The following ZNF354A variants were observed in gnomAD, a reference collection of about 807,000 sequenced individuals.
ZNF354A encodes epididymis luminal protein 104.
A neutral mutation model predicts 53.3 loss-of-function variants in ZNF354A; 25 were observed. That is an observed-to-expected ratio of 0.47 (90% CI 0.34 to 0.66). The LOEUF is 0.66. Among genes scored for constraint, ZNF354A ranks in the 30% least tolerant of loss-of-function variants. The pLI, the probability that ZNF354A is intolerant of heterozygous loss-of-function variation, is 0.01. For synonymous variants in ZNF354A, 228 were observed against 249.0 expected, an observed-to-expected ratio of 0.92 and a Z score of 0.79; for missense variants, 586 against 716.8, an observed-to-expected ratio of 0.82 and a Z score of 2.08.
chr5:178,728,130 C>T (rs548070135), intron 2 of ZNF354A, among the ~76,000 whole-genome samples: 2 of 152,326 alleles, frequency 1.3e-5, no homozygotes, highest in South Asian at 4.1e-4. Flanking sequence ...GTGTGAGCCA[C>T]TGTGGCCGGC....
intron 1 of ZNF354A, 79 bp downstream of exon 1, chr5:178,730,477 T>C (rs1479341157): frequency 6.6e-6 from 1 of 152,112 alleles, no homozygotes; most frequent in Non-Finnish European, 1.5e-5. Flanking sequence ...CCACAAAGGC[T>C]TTCGGAGCCT....
intron 4 of ZNF354A, among the ~76,000 whole-genome samples, chr5:178,721,733 T>C (rs1271895204): frequency 9.9e-5 from 15 of 152,264 alleles, no homozygotes; most frequent in East Asian, 1.9e-4. Context: ...ACTTCAATCA[T>C]AGACTCATCC....
Position 178,713,183 on chromosome 5 carries a change from T to G in ZNF354A, c.695A>C (p.His232Pro). ...TTTCTCTCCACTATGGTTTTTCTCATGTTTACGAAGGGATGAAGTGTTAAT... is the reference window on the plus strand; with the variant it reads ...TTTCTCTCCACTATGGTTTTTCTCAGGTTTACGAAGGGATGAAGTGTTAAT... ...TFINTSSLRK[H>P]EKNHSGEKLF... Residue 232 changes from histidine (H) to proline (P), a missense_variant, in exon 5 of 5, where the codon CAT becomes CCT. Physicochemically the swap from His to Pro is moderately conservative, Grantham distance 77. This residue lies in a region of ZNF354A where 573 missense variants were observed against 680.1 expected (regional missense o/e 0.84). Transcript: ENST00000335815. 1 of 1,614,176 alleles carries G rather than the reference T, an allele frequency of 6.2e-7. No homozygotes were observed. The highest frequency in any genetic ancestry group is 8.5e-7 in the Non-Finnish European group (1 of 1,180,026).
intron 4 of ZNF354A, among the ~76,000 whole-genome samples, chr5:178,725,070 C>A (rs1581748707): frequency 6.6e-6 from 1 of 152,248 alleles, no homozygotes; most frequent in Non-Finnish European, 1.5e-5. Flanking sequence ...TTCCTCACCT[C>A]CTCCTTTCCC....
intron 4 of ZNF354A, among the ~76,000 whole-genome samples, chr5:178,722,541 T>C (rs534643435): frequency 2.0e-5 from 3 of 152,278 alleles, no homozygotes; most frequent in Middle Eastern, 3.4e-3. Context: ...TGTTACCCCA[T>C]CTCCTCTATC....
rs373168540 is a variant in ZNF354A, at chr5:178,723,764, G to A, written c.256+1612C>T. ...CAATGCTATACAAAGCTGTGGGCGA[G>A]GGTTCAACCTTGATCCCCCAGAGCC... On this transcript the variant is annotated intron_variant, in intron 4 of 4. Coordinates refer to ENST00000335815, the MANE Select transcript of ZNF354A (RefSeq NM_005649.3). Among the ~76,000 whole-genome samples the A allele has an allele frequency of 1.1e-4, 16 of 152,052 alleles. 1 individual carries two copies. In the East Asian group the frequency reaches 3.1e-3, roughly 30 times the overall value.
chr5:178,719,817 GGC>G (rs1489178738), intron 4 of ZNF354A, among the ~76,000 whole-genome samples: 1 of 151,452 alleles, frequency 6.6e-6, no homozygotes, highest in Non-Finnish European at 1.5e-5. Context: ...CGTAGTGGCG[GGC>G]GCCTGTAGTC....
intron 4 of ZNF354A, among the ~76,000 whole-genome samples, chr5:178,715,782 G>C (rs1257320112): frequency 6.6e-6 from 1 of 152,086 alleles, no homozygotes; most frequent in Non-Finnish European, 1.5e-5. Context: ...TGAGCACGGG[G>C]ATCAGGTACT....
At chr5:178,730,145 G>A (rs1255458519) in intron 1 of ZNF354A, among the ~76,000 whole-genome samples, 1 of 152,296 alleles carries the variant, frequency 6.6e-6, no homozygotes, top group Admixed American at 6.5e-5. Context: ...GATTACAGGC[G>A]TGAGCCACCG....
At chr5:178,717,443 C>G (rs891051196) in intron 4 of ZNF354A, among the ~76,000 whole-genome samples, 4 of 151,804 alleles carry the variant, frequency 2.6e-5, no homozygotes, top group Non-Finnish European at 4.4e-5. Flanking sequence ...AGGGATCATG[C>G]CTAGGTTTCT....
At position 178,721,625 on chromosome 5, in the gene ZNF354A, T is replaced by C. The variant is rs1056045152; in HGVS notation, c.256+3751A>G. ...TACAGAGGTCCTCCTCATTCCACTT[T>C]ACAGCTGTGTGGACGTACCACAGTT... is the stretch of plus-strand genomic sequence containing the variant. On this transcript the variant is annotated intron_variant, in intron 4 of 4. Transcript: ENST00000335815. Among the ~76,000 whole-genome samples, 4 of 152,182 alleles carry C rather than the reference T, an allele frequency of 2.6e-5. No individual in the cohort carries two copies. The East Asian group carries it at 5.8e-4, about 22-fold the overall frequency.
At chr5:178,719,783 T>TAAA in intron 4 of ZNF354A, among the ~76,000 whole-genome samples, 1 of 151,910 alleles carries the variant, frequency 6.6e-6, no homozygotes, top group Admixed American at 6.5e-5. Context: ...CCGTCTCTAC[T>TAAA]AAAAATACAA....
At position 178,713,481 on chromosome 5, in the gene ZNF354A, C is replaced by T. The variant is rs757320036; in HGVS notation, c.397G>A (p.Glu133Lys). The T allele has an allele frequency of 9.3e-6, 15 of 1,613,728 alleles. No homozygotes were observed. The Admixed American group carries it at 1.8e-4, about 20-fold the overall frequency. Residue 133 changes from glutamate to lysine, a missense_variant, in exon 5 of 5, where the codon GAG becomes AAG. Glu to Lys is a moderately conservative substitution (Grantham distance 56, BLOSUM62 1). Around this residue, in one of 2 missense-constraint regions of ZNF354A, gnomAD observed 573 missense variants for 680.1 expected, o/e 0.84. Coordinates refer to ENST00000335815, the MANE Select transcript of ZNF354A (RefSeq NM_005649.3). ...EKPYIYEGRL[E>K]KKQDKKGSFQ... The stretch of plus-strand genomic sequence containing the variant: ...CTTCCCTTTTTATCCTGCTTTTTCT[C>T]TAATCTGCCTTCATATATGTAAGGC...
Position 178,721,744 on chromosome 5 carries a change from T to C in ZNF354A, c.256+3632A>G, listed in dbSNP as rs373971538. ...GGCAACTTCAATCATAGACTCATCC[T>C]CTAAGCAAGATATCTCCCATACTCG... On this transcript the variant is annotated intron_variant, in intron 4 of 4. Coordinates refer to ENST00000335815, the MANE Select transcript of ZNF354A (RefSeq NM_005649.3). 2.7e-4 allele frequency among the ~76,000 whole-genome samples: 41 copies of C among 152,288 alleles called. No homozygotes were observed. In the East Asian group the frequency reaches 7.7e-3, roughly 29 times the overall value.
chr5:178,725,383 G>A lies in ZNF354A; in HGVS notation c.249C>T (p.Ser83=). 1 of 1,613,748 alleles carries A rather than the reference G, an allele frequency of 6.2e-7. No homozygotes were observed. Among genetic ancestry groups the A allele is most frequent in the Non-Finnish European group, 8.5e-7 (1 of 1,179,980 alleles). ...CTCGGGCCACCCACTTACCTAGAGA[G>A]GAGACGCCAGAACCGTCTTTCTCCA... ...WEVEKDGSGV[S]SLGSKSSHKT... is the part of the protein sequence containing the mutation. Residue 83 remains serine (S), a synonymous_variant, in exon 4 of 5, where the codon TCC becomes TCT. Transcript: ENST00000335815.
Position 178,725,472 on chromosome 5 carries a change from C to T in ZNF354A, c.161-1G>A. 6.2e-7 allele frequency: 1 copy of T among 1,613,748 alleles called. No homozygotes were observed. Among genetic ancestry groups the T allele is most frequent in the Non-Finnish European group, 8.5e-7 (1 of 1,179,808 alleles). On this transcript the variant is annotated splice_acceptor_variant, in intron 3 of 4. Transcript: ENST00000335815. LOFTEE classifies it high-confidence loss of function. ...ACTTTTGGTTTGGTAAATGGGAGCC[C>T]TGCACATAAACAAAAAACCACAACC...
At position 178,713,539 on chromosome 5, in the gene ZNF354A, G is replaced by A. The variant is rs781263091; in HGVS notation, c.339C>T (p.Asn113=). 7 of 1,611,444 alleles carry A rather than the reference G, an allele frequency of 4.3e-6. No individual in the cohort carries two copies. The highest frequency in any genetic ancestry group is 2.7e-5 in the African/African-American group (2 of 74,754). Residue 113 remains asparagine, a synonymous_variant, in exon 5 of 5, where the codon AAC becomes AAT. Transcript: ENST00000335815. ...SFQGLILKRS[N]RNVPWDLKLE... The stretch of plus-strand genomic sequence containing the variant: ...ATTTCAAATCCCAAGGTACATTCCT[G>A]TTGGATCTTTTCAGTATCAGTCCCT...
intron 4 of ZNF354A, among the ~76,000 whole-genome samples, chr5:178,722,486 C>T (rs964805008): frequency 6.6e-6 from 1 of 152,180 alleles, no homozygotes; most frequent in Non-Finnish European, 1.5e-5. Context: ...ACCAAGCAAG[C>T]ATCCCTGACA....
chr5:178,728,223 G>A (rs773450396), intron 2 of ZNF354A, among the ~76,000 whole-genome samples: 7 of 150,986 alleles, frequency 4.6e-5, no homozygotes, highest in Non-Finnish European at 8.8e-5. Flanking sequence ...CACTGAGCTT[G>A]CATTCTTAAC....
Sources: allele counts gnomAD v4.1 joint callset (sites outside exome capture counted in the v4.1 genomes callset), GRCh38; gene constraint gnomAD v4.1.1; regional missense constraint gnomAD v4.1.1; transcripts MANE v1.5; gene names NCBI Gene and HGNC (gene_info 2026-07-23, HGNC 2026-07-21).